HNF4A: variants seen among roughly 807,000 people sequenced by gnomAD.
HNF4A encodes the protein hepatocyte nuclear factor 4-alpha.
Under a neutral mutation model 52.4 loss-of-function variants are expected in HNF4A, and 15 were observed. The observed-to-expected ratio is 0.29, with a 90% CI of 0.19 to 0.44. The LOEUF (loss-of-function observed/expected upper bound fraction) is 0.44, where lower values mean the gene tolerates loss of function less well. Ranked by LOEUF, HNF4A falls within the 20% of genes least tolerant of loss-of-function variation. The pLI, the probability that HNF4A is intolerant of heterozygous loss-of-function variation, is 1.00. For missense variants in HNF4A, 479 were observed against 647.2 expected, an observed-to-expected ratio of 0.74 and a Z score of 2.82; for synonymous variants, 280 against 264.4, an observed-to-expected ratio of 1.06 and a Z score of -0.57.
chr20:44,410,337 GT>G (rs1222668526), intron 3 of HNF4A, among the ~76,000 whole-genome samples: 1 of 152,222 alleles, frequency 6.6e-6, no homozygotes, highest in Non-Finnish European at 1.5e-5. Flanking sequence ...GCTAGTGTTT[GT>G]TTACATGCCT....
At chr20:44,399,354 C>T (rs1267941956), upstream of HNF4A, among the ~76,000 whole-genome samples, 1 of 152,130 alleles carries the variant, frequency 6.6e-6, no homozygotes. Flanking sequence ...ATAAAGTTAT[C>T]GGAATAGTGA....
Position 44,374,185 on chromosome 20 carries a change from C to T in HNF4A, c.49+18332C>T, listed in dbSNP as rs149031153. Among the ~76,000 whole-genome samples the T allele has an allele frequency of 4.8e-3, 732 of 152,274 alleles. 6 individuals are homozygous for T. The highest frequency in any genetic ancestry group is 0.016 in the African/African-American group (668 of 41,554). On this transcript the variant is annotated intron_variant, in intron 1 of 9. Coordinates refer to the HNF4A transcript ENST00000316673. ...TCTATTGTTCCTCTCTTGATGTCAACGTGTACCCAATGTTTAGCTTCCTTT... is the reference window on the plus strand; with the variant it reads ...TCTATTGTTCCTCTCTTGATGTCAATGTGTACCCAATGTTTAGCTTCCTTT...
chr20:44,361,394 G>C (rs866082807), intron 1 of HNF4A, among the ~76,000 whole-genome samples: 20 of 152,160 alleles, frequency 1.3e-4, no homozygotes, highest in African/African-American at 4.3e-4. Context: ...CAACCCAGAA[G>C]CCTCCCGTAT....
chr20:44,366,462 A>ATCCC (rs2062971240), intron 1 of HNF4A, among the ~76,000 whole-genome samples: 1 of 152,196 alleles, frequency 6.6e-6, no homozygotes, highest in African/African-American at 2.4e-5. Context: ...CTCTACTAAA[A>ATCCC]ATTCAAAAAT....
intron 1 of HNF4A, among the ~76,000 whole-genome samples, chr20:44,369,134 T>G (rs1380662835): frequency 6.6e-6 from 1 of 150,496 alleles, no homozygotes; most frequent in Non-Finnish European, 1.5e-5. Context: ...CTGTAATCCC[T>G]GCTACTGTGG....
chr20:44,380,584 A>C (rs147533773), intron 1 of HNF4A, among the ~76,000 whole-genome samples: 22 of 152,210 alleles, frequency 1.4e-4, no homozygotes, highest in African/African-American at 4.6e-4. Context: ...TTGAGCCACT[A>C]CACCTGGCCT....
In HNF4A at chr20:44,404,799, G is replaced by GCGT. The variant is rs1197266533; in HGVS notation, c.116-1259_116-1258insCGT. 8.1e-5 allele frequency among the ~76,000 whole-genome samples: 11 copies of GCGT among 136,464 alleles called. 1 individual carries two copies. Among genetic ancestry groups the GCGT allele is most frequent in the East Asian group, 2.3e-4 (1 of 4,346 alleles). The allele number at this position is 136,464 out of a possible 152,430, so 89.5% of individuals were successfully genotyped here. On this transcript the variant is annotated intron_variant, in intron 1 of 9. Transcript: ENST00000316099. ...TGTGTGTGTGTGCGTGTGTCTGTGTGGTGTGTGGACTGTGTGGTGTGTGTG... is the reference window on the plus strand; with the variant it reads ...TGTGTGTGTGTGCGTGTGTCTGTGTGCGTGTGTGTGGACTGTGTGGTGTGTGTG...
At chr20:44,377,003 C>T (rs2063092529) in intron 1 of HNF4A, among the ~76,000 whole-genome samples, 1 of 151,770 alleles carries the variant, frequency 6.6e-6, no homozygotes, top group African/African-American at 2.4e-5. Flanking sequence ...AGTTCAAGAG[C>T]CAGCCTGGGC....
At chr20:44,416,960 C>T (rs1288303034) in intron 5 of HNF4A, among the ~76,000 whole-genome samples, 1 of 152,050 alleles carries the variant, frequency 6.6e-6, no homozygotes, top group Non-Finnish European at 1.5e-5. Flanking sequence ...TGTGATCACC[C>T]TGTGTCCTCT....
At position 44,414,531 on chromosome 20, in the gene HNF4A, A is replaced by G. The variant is rs763010207; in HGVS notation, c.517A>G (p.Asn173Asp). The G allele has an allele frequency of 6.2e-6, 10 of 1,614,114 alleles. No homozygotes were observed. Among genetic ancestry groups the G allele is most frequent in the Non-Finnish European group, 8.5e-6 (10 of 1,180,038 alleles). Residue 173 changes from asparagine (N) to aspartate (D), a missense_variant, in exon 5 of 10, where the codon AAC becomes GAC. Around this residue, in one of 3 missense-constraint regions of HNF4A, gnomAD observed 389 missense variants for 525.1 expected, o/e 0.74. Coordinates refer to ENST00000316099, the MANE Select transcript of HNF4A (RefSeq NM_000457.6). ...GATCACCTCCCCCGTCTCCGGGATCAACGGCGACATTCGGGCGAAGAAGAT... is the reference window on the plus strand; with the variant it reads ...GATCACCTCCCCCGTCTCCGGGATCGACGGCGACATTCGGGCGAAGAAGAT...
chr20:44,368,086 ATGTGTG>A (rs544910153), intron 1 of HNF4A, among the ~76,000 whole-genome samples: 56 of 102,244 alleles, frequency 5.5e-4, no homozygotes, highest in African/African-American at 1.9e-3. Context: ...ATATATATAT[ATGTGTG>A]TGTGTGTGTG....
chr20:44,417,521 C>T (rs2146433014), intron 5 of HNF4A, among the ~76,000 whole-genome samples: 1 of 152,334 alleles, frequency 6.6e-6, no homozygotes, highest in Middle Eastern at 3.4e-3. Context: ...TCTCAGAATC[C>T]TGGAGTCCTG....
Position 44,401,322 on chromosome 20 carries a change from G to C in HNF4A, c.-51G>C. ...GGGAGGGCGGAGGGCGGGGGCCTTC[G>C]GGGTGGGCGCCCAGGGTAGGGCAGG... On this transcript the variant is annotated 5_prime_UTR_variant, in exon 1 of 10. Coordinates refer to ENST00000316099, the MANE Select transcript of HNF4A (RefSeq NM_000457.6). 1.2e-6 allele frequency: 2 copies of C among 1,612,684 alleles called. No individual in the cohort carries two copies. The highest frequency in any genetic ancestry group is 1.7e-6 in the Non-Finnish European group (2 of 1,179,676).
At chr20:44,371,467 C>T (rs768770217) in intron 1 of HNF4A, among the ~76,000 whole-genome samples, 2 of 151,504 alleles carry the variant, frequency 1.3e-5, no homozygotes, top group South Asian at 4.3e-4. Flanking sequence ...TTAGTAGAGA[C>T]GGGGTTTCGC....
Position 44,430,215 on chromosome 20 carries a change from C to T in HNF4A, c.*550C>T, listed in dbSNP as rs1196606228. The T allele has an allele frequency of 6.5e-6, 1 of 154,678 alleles. No homozygotes were observed. Among genetic ancestry groups the T allele is most frequent in the Non-Finnish European group, 1.4e-5 (1 of 69,692 alleles). The allele number at this position is 154,678 out of a possible 1,614,324, so 9.6% of individuals were successfully genotyped here. ...TCTCCAACACCACCTCTCCAGAGGCCAAGGAGGCCTTGGAAACGATTCCCC... is the reference window on the plus strand; with the variant it reads ...TCTCCAACACCACCTCTCCAGAGGCTAAGGAGGCCTTGGAAACGATTCCCC... On this transcript the variant is annotated 3_prime_UTR_variant, in exon 10 of 10. Transcript: ENST00000316099.
downstream of HNF4A, chr20:44,433,210 C>G (rs2063897468): frequency 6.6e-6 from 1 of 152,148 alleles, no homozygotes; most frequent in African/African-American, 2.4e-5. Context: ...AGTGCAATGG[C>G]AAGATCTGGA....
chr20:44,355,813 C>T, exon 1 of HNF4A: 3 of 1,613,728 alleles, frequency 1.9e-6, no homozygotes, highest in South Asian at 2.2e-5. Flanking sequence ...CCATGGTCAG[C>T]GTGAACGCGC....
intron 1 of HNF4A, among the ~76,000 whole-genome samples, chr20:44,359,960 A>G (rs868064510): frequency 8.6e-5 from 13 of 151,614 alleles, no homozygotes; most frequent in African/African-American, 2.7e-4. Flanking sequence ...TGCTAACCTG[A>G]CTCCTGGCCT....
intron 3 of HNF4A, among the ~76,000 whole-genome samples, chr20:44,409,000 C>T (rs113177730): frequency 2.6e-5 from 4 of 152,144 alleles, no homozygotes; most frequent in African/African-American, 7.2e-5. Flanking sequence ...GACTCTCTTT[C>T]CCCTGTATCT....
Sources: gnomAD v4.1 joint callset for allele counts (sites outside exome capture counted in the v4.1 genomes callset) on GRCh38, gnomAD v4.1.1 for gene constraint, gnomAD v4.1.1 regional missense constraint, MANE v1.5 for transcripts, NCBI Gene and HGNC (gene_info 2026-07-23, HGNC 2026-07-21) for gene names.